Variants in ZC3H13 observed in about 807,000 individuals in gnomAD.
ZC3H13 encodes the protein zinc finger CCCH domain-containing protein 13.
A neutral mutation model predicts 204.1 loss-of-function variants in ZC3H13; 64 were observed. The observed-to-expected ratio is 0.31, with a 90% CI of 0.26 to 0.39. The LOEUF (loss-of-function observed/expected upper bound fraction) is 0.39, where lower values mean the gene tolerates loss of function less well. Ranked by LOEUF, ZC3H13 falls within the 10% of genes least tolerant of loss-of-function variation. The probability of loss-of-function intolerance (pLI) is 1.00; values close to 1 mark genes in which losing one functional copy is unlikely to be tolerated. For missense variants in ZC3H13, 1,833 were observed against 2,082.7 expected (o/e 0.88, Z 2.33); for synonymous variants, 667 against 693.7 (o/e 0.96, Z 0.60).
At chr13:45,965,499 A>C in intron 15 of ZC3H13, 67 bp from the exon 16 acceptor site, 1 of 1,542,556 alleles carries the variant, frequency 6.5e-7, no homozygotes, top group Non-Finnish European at 8.8e-7. Context: ...AGTCAAACCA[A>C]AAGGTAGAGG....
chr13:46,050,768 C>T (rs139551009), intron 1 of ZC3H13, among the ~76,000 whole-genome samples: 2 of 152,116 alleles, frequency 1.3e-5, no homozygotes, highest in South Asian at 2.1e-4. Flanking sequence ...AAGCTGACTA[C>T]ATAGGAATTA....
intron 4 of ZC3H13, among the ~76,000 whole-genome samples, chr13:46,027,406 G>A (rs1003435708): frequency 1.3e-5 from 2 of 152,334 alleles, no homozygotes; most frequent in Admixed American, 6.5e-5. Context: ...TGCCCGGTGA[G>A]ATACTGTGTC....
intron 18 of ZC3H13, 114 bp from the exon 19 acceptor site, chr13:45,957,411 A>G: frequency 2.0e-6 from 2 of 1,011,036 alleles, no homozygotes; most frequent in Non-Finnish European, 2.6e-6. Flanking sequence ...TTCATTTTGG[A>G]TATTAAATTA....
At chr13:46,036,612 T>A (rs1347421629) in intron 4 of ZC3H13, among the ~76,000 whole-genome samples, 1 of 152,142 alleles carries the variant, frequency 6.6e-6, no homozygotes, top group Non-Finnish European at 1.5e-5. Flanking sequence ...AAATTACTTT[T>A]TAGGAACCAG....
chr13:45,969,127 G>A lies in ZC3H13; in HGVS notation c.3417C>T (p.Thr1139=), dbSNP rs1952351475. Residue 1139 remains threonine (T), a synonymous_variant, in exon 14 of 19, where the codon ACC becomes ACT. Transcript: ENST00000679008. ...SFSTSAITIS[T]SATPTNTTNN... The stretch of plus-strand genomic sequence containing the variant: ...TGGTGGTATTGGTGGGGGTGGCAGA[G>A]GTGGAAATAGTGATGGCAGATGTGC... The A allele has an allele frequency of 1.9e-6, 3 of 1,614,152 alleles. No individual in the cohort carries two copies. Among genetic ancestry groups the A allele is most frequent in the Non-Finnish European group, 2.5e-6 (3 of 1,180,024 alleles).
At position 45,969,125 on chromosome 13, in the gene ZC3H13, G is replaced by A. The variant is rs1239840985; in HGVS notation, c.3419C>T (p.Ser1140Phe). The A allele has an allele frequency of 1.2e-6, 2 of 1,614,164 alleles. No homozygotes were observed. The highest frequency in any genetic ancestry group is 2.2e-5 in the South Asian group (2 of 91,084). ...FSTSAITIST[S>F]ATPTNTTNNT... The stretch of plus-strand genomic sequence containing the variant: ...ATTGGTGGTATTGGTGGGGGTGGCA[G>A]AGGTGGAAATAGTGATGGCAGATGT... Residue 1140 changes from serine to phenylalanine, a missense_variant, in exon 14 of 19, where the codon TCT becomes TTT. Transcript: ENST00000679008.
intron 10 of ZC3H13, among the ~76,000 whole-genome samples, chr13:45,981,904 A>T (rs892414297): frequency 3.3e-5 from 5 of 151,358 alleles, no homozygotes; most frequent in Admixed American, 6.6e-5. Context: ...GCATTAGGAG[A>T]TATACCTAAT....
chr13:46,050,648 T>C (rs2044338992), intron 1 of ZC3H13, among the ~76,000 whole-genome samples: 1 of 152,154 alleles, frequency 6.6e-6, no homozygotes, highest in Admixed American at 6.5e-5. Flanking sequence ...TGATGCATAG[T>C]TTGAGAGAAT....
At chr13:45,994,476 G>T (rs1451549474) in intron 8 of ZC3H13, among the ~76,000 whole-genome samples, 1 of 152,140 alleles carries the variant, frequency 6.6e-6, no homozygotes, top group African/African-American at 2.4e-5. Context: ...TTCAAATCCA[G>T]AATAATTTAA....
intron 17 of ZC3H13, chr13:45,963,117 T>C (rs1016070418): frequency 9.3e-6 from 9 of 972,352 alleles, no homozygotes; most frequent in African/African-American, 1.8e-5. Context: ...CTAATTACCA[T>C]AGGAAGTTGG....
At chr13:46,032,481 AT>A (rs930404516) in intron 4 of ZC3H13, among the ~76,000 whole-genome samples, 2 of 152,048 alleles carry the variant, frequency 1.3e-5, no homozygotes, top group African/African-American at 2.4e-5. Flanking sequence ...ATGAAATAAC[AT>A]TTTTTTCTAT....
Position 45,968,874 on chromosome 13 carries a change from G to C in ZC3H13, c.3670C>G (p.Arg1224Gly). The C allele has an allele frequency of 6.2e-7, 1 of 1,613,832 alleles. No individual in the cohort carries two copies. Among genetic ancestry groups the C allele is most frequent in the Non-Finnish European group, 8.5e-7 (1 of 1,179,982 alleles). Residue 1224 changes from arginine to glycine, a missense_variant, in exon 14 of 19, where the codon CGA becomes GGA. Coordinates refer to ENST00000679008, the MANE Select transcript of ZC3H13 (RefSeq NM_001330564.2). ...GAGCCACTGTGCAGTACTCTCTTTC[G>C]ACCACTTTGGTCATCTCCACTTCGA... ...AHRSGDDQSG[R>G]KRVLHSGSRD...
At chr13:45,976,304 C>G (rs2138036596) in intron 11 of ZC3H13, 1 of 979,642 alleles carries the variant, frequency 1.0e-6, no homozygotes, top group Admixed American at 6.1e-5. Flanking sequence ...AGTCACACCT[C>G]TAATTTCAGG....
chr13:45,963,302 G>A, intron 17 of ZC3H13: 6 of 986,730 alleles, frequency 6.1e-6, no homozygotes, highest in Non-Finnish European at 7.2e-6. Context: ...CTAGGGGAAA[G>A]GGCTGCCAAA....
At chr13:46,008,182 C>G (rs1448194371) in intron 7 of ZC3H13, among the ~76,000 whole-genome samples, 1 of 151,742 alleles carries the variant, frequency 6.6e-6, no homozygotes, top group Admixed American at 6.6e-5. Context: ...TTAAAATACT[C>G]CACTGAGTTT....
At chr13:46,041,257 A>G (rs563592585) in intron 4 of ZC3H13, among the ~76,000 whole-genome samples, 2 of 152,270 alleles carry the variant, frequency 1.3e-5, no homozygotes, top group African/African-American at 4.8e-5. Context: ...AATAAGGAAT[A>G]AAATACTGAT....
chr13:46,010,616 C>A lies in ZC3H13; in HGVS notation c.589-111G>T, dbSNP rs866347318. 2.5e-6 allele frequency: 3 copies of A among 1,186,586 alleles called. No homozygotes were observed. The Middle Eastern group carries it at 8.3e-4, about 328-fold the overall frequency. The allele number at this position is 1,186,586 out of a possible 1,614,324, so 73.5% of individuals were successfully genotyped here. A position where few individuals can be genotyped will look rare whatever the true frequency, so the allele number is the denominator to read the frequency against. ...TTCAGATTAAAATTAAATATTATTG[C>A]CGGGTGCAGTGGTTCACACCTGTAA... On this transcript the variant is annotated intron_variant, in intron 6 of 18. Coordinates refer to ENST00000679008, the MANE Select transcript of ZC3H13 (RefSeq NM_001330564.2).
intron 1 of ZC3H13, 141 bp downstream of exon 1, chr13:46,052,263 A>G (rs2044511494): frequency 2.9e-6 from 1 of 341,624 alleles, no homozygotes; most frequent in Admixed American, 4.8e-5. Context: ...GGGCTATTGC[A>G]GAGTTAAGGG....
rs71184435 is a variant in ZC3H13, at chr13:46,006,713, C to CATATATAT, written c.747-3385_747-3378dup. Among the ~76,000 whole-genome samples the CATATATAT allele has an allele frequency of 5.9e-3, 377 of 63,838 alleles. 99 individuals are homozygous for CATATATAT. Among genetic ancestry groups the CATATATAT allele is most frequent in the African/African-American group, 0.025 (331 of 13,200 alleles). The allele number at this position is 63,838 out of a possible 152,430, so 41.9% of individuals were successfully genotyped here. Reference sequence around the variant, plus strand: ...TTCTCAAGTCCCAAGAGTTCTTAGCCATATATATATATGAGATAGTATCTA... The same window carrying CATATATAT: ...TTCTCAAGTCCCAAGAGTTCTTAGCCATATATATATATATATATATGAGATAGTATCTA... On this transcript the variant is annotated intron_variant, in intron 7 of 18. Transcript: ENST00000679008.
Sources: gnomAD v4.1 joint callset for allele counts (sites outside exome capture counted in the v4.1 genomes callset) on GRCh38, gnomAD v4.1.1 for gene constraint, MANE v1.5 for transcripts, NCBI Gene and HGNC (gene_info 2026-07-23, HGNC 2026-07-21) for gene names.